Variants in MAP7 observed in about 807,000 individuals in gnomAD.
MAP7 encodes ensconsin.
Under a neutral mutation model 94.8 loss-of-function variants are expected in MAP7, and 52 were observed. The ratio of observed to expected loss-of-function variants is 0.55; its 90% confidence interval spans 0.44 to 0.69. MAP7 has a LOEUF of 0.69. MAP7 is among the 30% of genes least tolerant of loss of function. The probability of loss-of-function intolerance (pLI) is 0.00; values close to 1 mark genes in which losing one functional copy is unlikely to be tolerated. For missense variants in MAP7, 940 were observed against 964.6 expected (o/e 0.97, Z 0.34); for synonymous variants, 350 against 357.0 (o/e 0.98, Z 0.22).
intron 1 of MAP7, among the ~76,000 whole-genome samples, chr6:136,473,103 T>C (rs1390749747): frequency 6.6e-6 from 1 of 152,220 alleles, no homozygotes; most frequent in African/African-American, 2.4e-5. Flanking sequence ...GTCTCTTCAA[T>C]CACCTCTGTT....
At chr6:136,363,995 CCA>C (rs1793572312) in intron 10 of MAP7, 1 of 224,790 alleles carries the variant, frequency 4.4e-6, no homozygotes, top group Non-Finnish European at 8.8e-6. Context: ...AAAAATATTT[CCA>C]GTTTTCCTCA....
intron 1 of MAP7, among the ~76,000 whole-genome samples, chr6:136,425,936 G>A (rs746882640): frequency 6.6e-6 from 1 of 152,122 alleles, no homozygotes; most frequent in African/African-American, 2.4e-5. Flanking sequence ...CTCGATGCTG[G>A]AAGTAATATT....
chr6:136,501,293 C>T (rs974726808), intron 1 of MAP7, among the ~76,000 whole-genome samples: 8 of 152,220 alleles, frequency 5.3e-5, no homozygotes, highest in Non-Finnish European at 8.8e-5. Flanking sequence ...AAAGCACTCA[C>T]TTCCTCTCCA....
chr6:136,364,257 C>G, intron 10 of MAP7: 1 of 542,002 alleles, frequency 1.8e-6, no homozygotes, highest in African/African-American at 1.9e-5. Context: ...AAATGTTGAA[C>G]CTTTTTGGAC....
Position 136,359,757 on chromosome 6 carries a change from C to A in MAP7, c.1912+63G>T, listed in dbSNP as rs960127902. ...CTCCATCAATTCCTGAATATCTTCA[C>A]CCCTGGAGAGTCAATTTAAACATTT... On this transcript the variant is annotated intron_variant, in intron 15 of 17. Coordinates refer to ENST00000354570, the MANE Select transcript of MAP7 (RefSeq NM_003980.6). The A allele has an allele frequency of 9.3e-5, 137 of 1,465,636 alleles. 2 individuals are homozygous for A. The Admixed American group carries it at 2.4e-3, about 25-fold the overall frequency. 90.8% of individuals were successfully genotyped at this position (1,465,636 alleles called of 1,614,324 possible). A position where few individuals can be genotyped will look rare whatever the true frequency, so the allele number is the denominator to read the frequency against.
chr6:136,420,669 C>G (rs1354836389), intron 2 of MAP7, among the ~76,000 whole-genome samples: 1 of 152,150 alleles, frequency 6.6e-6, no homozygotes, highest in African/African-American at 2.4e-5. Context: ...CTAAGGAAAT[C>G]TCTGCTTGGT....
At chr6:136,413,826 G>A (rs963539941) in intron 2 of MAP7, among the ~76,000 whole-genome samples, 5 of 152,020 alleles carry the variant, frequency 3.3e-5, no homozygotes, top group African/African-American at 1.2e-4. Context: ...TGCCCAGGCT[G>A]CCATATGTCT....
intron 2 of MAP7, among the ~76,000 whole-genome samples, chr6:136,414,593 T>C (rs1187571192): frequency 6.6e-6 from 1 of 152,058 alleles, no homozygotes; most frequent in Non-Finnish European, 1.5e-5. Context: ...CCTTTAACAA[T>C]TACTTATCAC....
At chr6:136,376,724 G>A (rs1326126323) in intron 7 of MAP7, among the ~76,000 whole-genome samples, 2 of 152,196 alleles carry the variant, frequency 1.3e-5, no homozygotes, top group African/African-American at 4.8e-5. Flanking sequence ...GCTGCACTTG[G>A]TTTTCATAAG....
In MAP7 at chr6:136,379,821, A is replaced by G. The variant is rs188679213; in HGVS notation, c.638-1953T>C. Among the ~76,000 whole-genome samples the G allele has an allele frequency of 1.2e-3, 177 of 152,344 alleles. 1 individual carries two copies. Among genetic ancestry groups the G allele is most frequent in the Non-Finnish European group, 2.2e-3 (148 of 68,032 alleles). On this transcript the variant is annotated intron_variant, in intron 6 of 17. Coordinates refer to ENST00000354570, the MANE Select transcript of MAP7 (RefSeq NM_003980.6). ...AAAAACCCATTGTAACCTGTGGTAA[A>G]GCAAATCCAGAGAGATCTGTTTCAT...
intron 2 of MAP7, among the ~76,000 whole-genome samples, chr6:136,413,030 C>T (rs563146100): frequency 4.6e-5 from 7 of 152,142 alleles, no homozygotes; most frequent in East Asian, 3.9e-4. Flanking sequence ...GGTATGGCAG[C>T]GTGCGCCTGT....
At position 136,342,952 on chromosome 6, in the gene MAP7, C is replaced by G. The variant is rs1786848080; in HGVS notation, c.*1276G>C. The G allele has an allele frequency of 6.6e-6, 1 of 152,210 alleles. No homozygotes were observed. Among genetic ancestry groups the G allele is most frequent in the African/African-American group, 2.4e-5 (1 of 41,442 alleles). 9.4% of individuals were successfully genotyped at this position (152,210 alleles called of 1,614,324 possible). ...AAAAATAGTCCAATAGATGAAGTCT[C>G]TCATTCAACCTAGCAGTTCAACCAA... On this transcript the variant is annotated 3_prime_UTR_variant, in exon 18 of 18. Coordinates refer to ENST00000354570, the MANE Select transcript of MAP7 (RefSeq NM_003980.6).
intron 1 of MAP7, among the ~76,000 whole-genome samples, chr6:136,425,144 C>T (rs1792767290): frequency 6.6e-6 from 1 of 152,198 alleles, no homozygotes; most frequent in Non-Finnish European, 1.5e-5. Flanking sequence ...ACATCTCAGG[C>T]TGGACAGAGC....
In MAP7 at chr6:136,475,466, TTTCTACTGAAAATAG is replaced by T. The variant is rs540348245; in HGVS notation, c.68-53682_68-53668del. On this transcript the variant is annotated intron_variant, in intron 1 of 17. Transcript: ENST00000354570. ...TACTGTAGATTCTCTAACAAAGGCA[TTTCTACTGAAAATAG>T]TTATATAAACTCTCAGATTACAGCT... is the stretch of plus-strand genomic sequence containing the variant. Among the ~76,000 whole-genome samples, 455 of 152,316 alleles carry T rather than the reference TTTCTACTGAAAATAG, an allele frequency of 3.0e-3. 3 individuals are homozygous for T. Among genetic ancestry groups the T allele is most frequent in the Non-Finnish European group, 4.7e-3 (323 of 68,020 alleles).
chr6:136,416,805 C>CA (rs573300458), intron 2 of MAP7, among the ~76,000 whole-genome samples: 3,360 of 110,828 alleles, frequency 0.03, 83 homozygotes, highest in African/African-American at 0.083. Context: ...GACTACGTCT[C>CA]AAAAAAAAAA....
intron 1 of MAP7, among the ~76,000 whole-genome samples, chr6:136,435,067 G>A (rs971046999): frequency 2.0e-5 from 3 of 152,144 alleles, no homozygotes; most frequent in Non-Finnish European, 4.4e-5. Context: ...TGACAAATAG[G>A]CTCTTTTCTT....
intron 1 of MAP7, among the ~76,000 whole-genome samples, chr6:136,534,359 TG>T (rs1828714686): frequency 6.6e-6 from 1 of 152,248 alleles, no homozygotes. Context: ...TTCACCTGAT[TG>T]GATTTGGCCC....
chr6:136,368,439 A>G (rs1292469241), intron 8 of MAP7, among the ~76,000 whole-genome samples: 1 of 152,180 alleles, frequency 6.6e-6, no homozygotes, highest in Non-Finnish European at 1.5e-5. Context: ...TAATTTTATA[A>G]TTAAGGTAGG....
chr6:136,355,047 A>C (rs1200752654), intron 16 of MAP7, among the ~76,000 whole-genome samples: 1 of 152,098 alleles, frequency 6.6e-6, no homozygotes, highest in South Asian at 2.1e-4. Context: ...AATATGATGA[A>C]ACCCATCTCT....
Sources: gnomAD v4.1 joint callset for allele counts (sites outside exome capture counted in the v4.1 genomes callset) on GRCh38, gnomAD v4.1.1 for gene constraint, MANE v1.5 for transcripts, NCBI Gene and HGNC (gene_info 2026-07-23, HGNC 2026-07-21) for gene names.